ANXA8: variants seen among roughly 807,000 people sequenced by gnomAD.
The protein encoded by ANXA8 is annexin A8, also known as VAC-beta.
In ANXA8, 9 loss-of-function variants were observed where a neutral mutation model predicts 26.8. The ratio of observed to expected loss-of-function variants is 0.34; its 90% confidence interval spans 0.20 to 0.59. ANXA8 has a LOEUF of 0.59. Among genes scored for constraint, ANXA8 ranks in the 20% least tolerant of loss-of-function variants. The pLI is 0.84. For missense variants in ANXA8, 83 were observed against 238.5 expected (o/e 0.35, Z 4.29); for synonymous variants, 39 against 94.8 (o/e 0.41, Z 3.42).
At chr10:47,901,875 T>C in the ANXA8 span, among the ~76,000 whole-genome samples, 1 of 151,276 alleles carries the variant, frequency 6.6e-6, no homozygotes, top group African/African-American at 2.4e-5. Context: ...TGTTGGTTTT[T>C]TCTTATTTGG....
chr10:47,584,927 A>G, the ANXA8 span, among the ~76,000 whole-genome samples: 3 of 145,528 alleles, frequency 2.1e-5, no homozygotes, highest in South Asian at 6.3e-4. Flanking sequence ...GTCTCTACTA[A>G]AAATACAAAA....
the ANXA8 span, among the ~76,000 whole-genome samples, chr10:47,976,405 G>C: frequency 6.6e-6 from 1 of 151,418 alleles, no homozygotes; most frequent in African/African-American, 2.4e-5. Flanking sequence ...CTCTATGATA[G>C]ACTTGAACAT....
the ANXA8 span, among the ~76,000 whole-genome samples, chr10:47,651,868 T>C: frequency 6.6e-6 from 1 of 151,508 alleles, no homozygotes; most frequent in Admixed American, 6.6e-5. Context: ...CACTCCAGCC[T>C]GGTCAATAAG....
chr10:47,970,887 G>A, the ANXA8 span, among the ~76,000 whole-genome samples: 6 of 151,332 alleles, frequency 4.0e-5, no homozygotes, highest in African/African-American at 1.2e-4. Context: ...GCACACCAGA[G>A]GCAAGGGATC....
chr10:47,655,486 C>T, the ANXA8 span, among the ~76,000 whole-genome samples: 4 of 150,546 alleles, frequency 2.7e-5, no homozygotes, highest in African/African-American at 7.4e-5. Context: ...ATTTCAGTAG[C>T]GAGAGTGTTT....
chr10:47,747,503 C>T, the ANXA8 span, among the ~76,000 whole-genome samples: 2 of 136,906 alleles, frequency 1.5e-5, no homozygotes, highest in East Asian at 4.3e-4. Context: ...ACGGGCAAAC[C>T]AGAGATGGAG....
the ANXA8 span, among the ~76,000 whole-genome samples, chr10:47,593,500 T>C: frequency 1.3e-5 from 2 of 149,800 alleles, no homozygotes; most frequent in Non-Finnish European, 2.9e-5. Context: ...AGGGCAAGCA[T>C]GCACCAAGAC....
upstream of ANXA8, chr10:47,484,203 G>A (rs1438503129): frequency 1.3e-6 from 1 of 757,072 alleles, no homozygotes; most frequent in Non-Finnish European, 2.3e-6. Flanking sequence ...CTCACTGGCA[G>A]ATATTTGGGC....
chr10:47,949,791 A>T, the ANXA8 span, among the ~76,000 whole-genome samples: 1 of 147,856 alleles, frequency 6.8e-6, no homozygotes, highest in African/African-American at 2.5e-5. Flanking sequence ...GATAAAATAG[A>T]ACCATAAACA....
the ANXA8 span, among the ~76,000 whole-genome samples, chr10:47,772,655 G>A: frequency 9.9e-5 from 15 of 151,912 alleles, no homozygotes; most frequent in Non-Finnish European, 1.5e-4. Flanking sequence ...ACTAGAAATC[G>A]GTCAACCCCA....
chr10:47,519,492 G>T, the ANXA8 span, among the ~76,000 whole-genome samples: 1 of 123,012 alleles, frequency 8.1e-6, no homozygotes, highest in Admixed American at 8.3e-5. Context: ...AAAAGAGTGT[G>T]GTACCTTCCC....
chr10:47,955,061 G>T, the ANXA8 span, among the ~76,000 whole-genome samples: 5 of 146,036 alleles, frequency 3.4e-5, 1 homozygote, highest in Non-Finnish European at 7.6e-5. Context: ...CCCAGTGGAG[G>T]GCAATGGAAT....
the ANXA8 span, among the ~76,000 whole-genome samples, chr10:47,958,868 G>C: frequency 6.7e-6 from 1 of 149,838 alleles, no homozygotes; most frequent in Non-Finnish European, 1.5e-5. Flanking sequence ...AACAGCATGG[G>C]GGAAACCGCC....
chr10:47,673,590 C>A, the ANXA8 span, among the ~76,000 whole-genome samples: 1 of 151,250 alleles, frequency 6.6e-6, no homozygotes, highest in Non-Finnish European at 1.5e-5. Flanking sequence ...GACTGGAGAG[C>A]AAGGAGAATC....
chr10:47,724,163 T>C, the ANXA8 span, among the ~76,000 whole-genome samples: 480 of 133,782 alleles, frequency 3.6e-3, 58 homozygotes, highest in Non-Finnish European at 6.3e-3. Flanking sequence ...CATCCCTGTT[T>C]ACCTTCCCCT....
At chr10:47,623,555 T>C in the ANXA8 span, among the ~76,000 whole-genome samples, 11 of 111,966 alleles carry the variant, frequency 9.8e-5, 1 homozygote, top group African/African-American at 3.8e-4. Context: ...ATGTTTCTTA[T>C]TTTTCTAGAA....
chr10:47,564,677 G>A, the ANXA8 span: 1 of 379,670 alleles, frequency 2.6e-6, no homozygotes, highest in Non-Finnish European at 4.3e-6. Context: ...CTGCAAGGGT[G>A]AGCCTGCTGC....
At chr10:47,630,862 T>C in the ANXA8 span, among the ~76,000 whole-genome samples, 8 of 149,048 alleles carry the variant, frequency 5.4e-5, no homozygotes, top group East Asian at 1.2e-3. Flanking sequence ...AATTCACATT[T>C]CCTTTGATAC....
the ANXA8 span, among the ~76,000 whole-genome samples, chr10:47,896,977 C>T: frequency 7.0e-6 from 1 of 143,728 alleles, no homozygotes; most frequent in Admixed American, 6.9e-5. Context: ...GGCGCCCAGG[C>T]TGGAGTTCAG....
Sources: gnomAD v4.1 joint callset for allele counts (sites outside exome capture counted in the v4.1 genomes callset) on GRCh38, gnomAD v4.1.1 for gene constraint, MANE v1.5 for transcripts, NCBI Gene and HGNC (gene_info 2026-07-23, HGNC 2026-07-21) for gene names.